The following LRP1B variants were observed in gnomAD, a reference collection of about 807,000 sequenced individuals.
LRP1B encodes LDL receptor related protein 1B, also known as low-density lipoprotein receptor-related protein 1B.
LRP1B carries 217 observed loss-of-function variants against 556.6 expected under a neutral mutation model. The ratio of observed to expected loss-of-function variants is 0.39; its 90% CI spans 0.35 to 0.44. LRP1B has a LOEUF of 0.44. Ranked by LOEUF, LRP1B falls within the 20% of genes least tolerant of loss-of-function variation. The pLI is 1.00. For missense variants in LRP1B, 5,053 were observed against 5,620.8 expected, an observed-to-expected ratio of 0.90 and a Z score of 3.23; for synonymous variants, 2,047 against 1,865.8, an observed-to-expected ratio of 1.10 and a Z score of -2.50.
chr2:140,348,106 T>A (rs1171939016), intron 77 of LRP1B, among the ~76,000 whole-genome samples: 1 of 152,026 alleles, frequency 6.6e-6, no homozygotes, highest in Non-Finnish European at 1.5e-5. Context: ...TAAAATATAT[T>A]ATCTCAAAGG....
At position 140,373,089 on chromosome 2, in the gene LRP1B, C is replaced by T. The variant is rs1683063421; in HGVS notation, c.10687G>A (p.Gly3563Ser). The T allele has an allele frequency of 2.5e-6, 4 of 1,613,208 alleles. No individual in the cohort carries two copies. The highest frequency in any genetic ancestry group is 2.2e-5 in the East Asian group (1 of 44,776). Residue 3563 changes from glycine to serine, a missense_variant, in exon 69 of 91, where the codon GGT (glycine) becomes AGT (serine). Physicochemically the swap from Gly to Ser is moderately conservative, Grantham distance 56 (BLOSUM62 0). This residue lies in a region of LRP1B where 599 missense variants were observed against 648.4 expected (regional missense o/e 0.92). Coordinates refer to ENST00000389484, the MANE Select transcript of LRP1B (RefSeq NM_018557.3). ...TTCCATTTTGCTGGTATACACTGAC[C>T]ATTGGAACACCGGAACTGATCTTTG... ...CSKDQFRCSN[G>S]QCIPAKWKCD...
intron 2 of LRP1B, among the ~76,000 whole-genome samples, chr2:141,674,666 C>T (rs531287071): frequency 6.6e-6 from 1 of 151,944 alleles, no homozygotes; most frequent in South Asian, 2.1e-4. Flanking sequence ...TTTCCTATTG[C>T]TATCTTGTTT....
chr2:141,934,359 C>G (rs1021276840), intron 1 of LRP1B, among the ~76,000 whole-genome samples: 1 of 151,992 alleles, frequency 6.6e-6, no homozygotes, highest in South Asian at 2.1e-4. Context: ...TAAAAAATGA[C>G]TGAGAATTTT....
rs70991138 is a variant in LRP1B, at chr2:141,115,458, GT to G, written c.1014-53186del. On this transcript the variant is annotated intron_variant, in intron 7 of 90. Transcript: ENST00000389484. ...GCAAAATGAATAGGTTTTTGTTTTTGTTTTTTTTTTTTTTTTGAGATGGATT... is the reference window on the plus strand; with the variant it reads ...GCAAAATGAATAGGTTTTTGTTTTTGTTTTTTTTTTTTTTTGAGATGGATT... 9.3e-4 allele frequency among the ~76,000 whole-genome samples: 112 copies of G among 120,392 alleles called. 1 individual carries two copies. The highest frequency in any genetic ancestry group is 3.7e-3 in the Admixed American group (40 of 10,878). 79.0% of individuals were successfully genotyped at this position (120,392 alleles called of 152,430 possible). A position where few individuals can be genotyped will look rare whatever the true frequency, so the allele number is the denominator to read the frequency against.
At position 141,631,542 on chromosome 2, in the gene LRP1B, A is replaced by G. The variant is rs1074187; in HGVS notation, c.206-151009T>C. On this transcript the variant is annotated intron_variant, in intron 2 of 90. Transcript: ENST00000389484. ...CTTTAAAATGAACCAGTTTTCCAAA[A>G]AAAAAAAAAAAAAAAAGGGGAAATT... Among the ~76,000 whole-genome samples, 702 of 147,006 alleles carry G rather than the reference A, an allele frequency of 4.8e-3. 27 individuals carry two copies. In the East Asian group the frequency reaches 0.096, roughly 20 times the overall value.
At chr2:141,424,238 A>G (rs1449394179) in intron 3 of LRP1B, among the ~76,000 whole-genome samples, 1 of 151,032 alleles carries the variant, frequency 6.6e-6, no homozygotes, top group Admixed American at 6.6e-5. Context: ...CGCAGCCTCC[A>G]GAGTAGCTGG....
chr2:141,563,582 T>G (rs1201253650), intron 2 of LRP1B, among the ~76,000 whole-genome samples: 1 of 151,658 alleles, frequency 6.6e-6, no homozygotes, highest in Non-Finnish European at 1.5e-5. Context: ...GAGTAAGAAG[T>G]TTGAGAGAAG....
chr2:141,388,363 G>A (rs1400372974), intron 3 of LRP1B, among the ~76,000 whole-genome samples: 1 of 152,154 alleles, frequency 6.6e-6, no homozygotes, highest in African/African-American at 2.4e-5. Flanking sequence ...TTGAACCCGT[G>A]AGGCAGAGGT....
At chr2:140,522,120 C>A (rs150596005) in intron 49 of LRP1B, among the ~76,000 whole-genome samples, 1 of 151,966 alleles carries the variant, frequency 6.6e-6, no homozygotes, top group African/African-American at 2.4e-5. Context: ...TCCAGACTAC[C>A]GTAGCATATA....
intron 41 of LRP1B, among the ~76,000 whole-genome samples, chr2:140,626,412 T>C (rs755372374): frequency 2.2e-4 from 33 of 152,206 alleles, no homozygotes; most frequent in Admixed American, 3.3e-4. Flanking sequence ...TCTATTATAA[T>C]AAATGTACCA....
intron 2 of LRP1B, among the ~76,000 whole-genome samples, chr2:141,636,471 G>T (rs1286494979): frequency 6.6e-6 from 1 of 152,120 alleles, no homozygotes; most frequent in African/African-American, 2.4e-5. Flanking sequence ...ATCAAATGTT[G>T]AAACTGGTGA....
intron 1 of LRP1B, among the ~76,000 whole-genome samples, chr2:141,919,068 A>G (rs1700111568): frequency 6.6e-6 from 1 of 152,100 alleles, no homozygotes; most frequent in Non-Finnish European, 1.5e-5. Context: ...CTTTAAAAAG[A>G]TAAGTCAAAA....
At chr2:141,794,904 G>A (rs1030082066) in intron 2 of LRP1B, among the ~76,000 whole-genome samples, 4 of 152,008 alleles carry the variant, frequency 2.6e-5, no homozygotes, top group African/African-American at 7.2e-5. Context: ...ACTATATTGG[G>A]TTAGTATTAT....
rs16843706 is a variant in LRP1B at position 140,259,593 on chromosome 2, G to A, written c.13247+10649C>T. 9.9e-3 allele frequency among the ~76,000 whole-genome samples: 1,508 copies of A among 151,944 alleles called. 63 individuals carry two copies. In the East Asian group the frequency reaches 0.13, roughly 13 times the overall value. Reference sequence around the variant, plus strand: ...AATGATAAGTGTATCATAAGCTGCCGTACTCCATAATACAATACAGGAACT... The same window carrying A: ...AATGATAAGTGTATCATAAGCTGCCATACTCCATAATACAATACAGGAACT... On this transcript the variant is annotated intron_variant, in intron 86 of 90. Coordinates refer to ENST00000389484, the MANE Select transcript of LRP1B (RefSeq NM_018557.3).
chr2:141,485,064 A>T (rs2105099512), intron 2 of LRP1B, among the ~76,000 whole-genome samples: 1 of 152,296 alleles, frequency 6.6e-6, no homozygotes, highest in Middle Eastern at 3.4e-3. Context: ...ACAGAAAAAT[A>T]TGTGTTTATT....
chr2:140,790,906 G>A (rs1690094351), intron 32 of LRP1B, among the ~76,000 whole-genome samples: 2 of 151,334 alleles, frequency 1.3e-5, no homozygotes, highest in Admixed American at 6.6e-5. Context: ...TTTGAGACCA[G>A]CCTAGGCAAA....
At chr2:141,323,874 T>TACAC (rs1687332072) in intron 3 of LRP1B, among the ~76,000 whole-genome samples, 1 of 147,900 alleles carries the variant, frequency 6.8e-6, no homozygotes, top group Non-Finnish European at 1.5e-5. Flanking sequence ...CATACACACA[T>TACAC]ACCTGAACAA....
At chr2:140,566,203 C>A (rs1437418336) in intron 43 of LRP1B, among the ~76,000 whole-genome samples, 3 of 152,164 alleles carry the variant, frequency 2.0e-5, no homozygotes, top group African/African-American at 7.2e-5. Context: ...TAGCTGCTAA[C>A]CCCTTCGCCA....
rs1391457998 is a variant in LRP1B at position 141,850,640 on chromosome 2, G to A, written c.83-40239C>T. 5.3e-5 allele frequency among the ~76,000 whole-genome samples: 8 copies of A among 150,822 alleles called. No individual in the cohort carries two copies. The East Asian group carries it at 1.6e-3, about 30-fold the overall frequency. ...ATAAACTCTGTGTGTGTGTGTGTGT[G>A]TGTGTGTGTGTGTGTGAGCATGTAC... On this transcript the variant is annotated intron_variant, in intron 1 of 90. Coordinates refer to ENST00000389484, the MANE Select transcript of LRP1B (RefSeq NM_018557.3).
Sources: gnomAD v4.1 joint callset for allele counts (sites outside exome capture counted in the v4.1 genomes callset) on GRCh38, gnomAD v4.1.1 for gene constraint, gnomAD v4.1.1 regional missense constraint, MANE v1.5 for transcripts, NCBI Gene and HGNC (gene_info 2026-07-23, HGNC 2026-07-21) for gene names.